LRRC49: variants seen among roughly 807,000 people sequenced by gnomAD.
LRRC49 encodes leucine-rich repeat-containing protein 49.
Under a neutral mutation model 83.3 loss-of-function variants are expected in LRRC49, and 50 were observed. The ratio of observed to expected loss-of-function variants is 0.60; its 90% CI spans 0.48 to 0.76. The LOEUF (loss-of-function observed/expected upper bound fraction) is 0.76. Ranked by LOEUF, LRRC49 falls within the 30% of genes least tolerant of loss-of-function variation. The probability of loss-of-function intolerance (pLI) is 0.00; values close to 1 mark genes in which losing one functional copy is unlikely to be tolerated. For synonymous variants in LRRC49, 286 were observed against 283.3 expected, an observed-to-expected ratio of 1.01 and a Z score of -0.10; for missense variants, 704 against 809.1, an observed-to-expected ratio of 0.87 and a Z score of 1.58.
At chr15:71,008,011 T>A (rs1275932403) in intron 11 of LRRC49, among the ~76,000 whole-genome samples, 1 of 151,766 alleles carries the variant, frequency 6.6e-6, no homozygotes, top group African/African-American at 2.4e-5. Context: ...TAAACTGTAC[T>A]TTTTTCTAGT....
intron 2 of LRRC49, among the ~76,000 whole-genome samples, chr15:70,878,833 T>C (rs1185957375): frequency 6.6e-6 from 1 of 152,254 alleles, no homozygotes; most frequent in Non-Finnish European, 1.5e-5. Flanking sequence ...ATTTGTATAA[T>C]GTATTGCAGG....
At chr15:70,955,089 G>C (rs1372941075) in intron 8 of LRRC49, among the ~76,000 whole-genome samples, 3 of 152,110 alleles carry the variant, frequency 2.0e-5, no homozygotes, top group Admixed American at 2.0e-4. Context: ...TGGGTGGGTT[G>C]CTCTGGCTGG....
At chr15:70,989,121 T>C (rs562250492) in intron 11 of LRRC49, among the ~76,000 whole-genome samples, 25 of 152,238 alleles carry the variant, frequency 1.6e-4, no homozygotes, top group African/African-American at 4.8e-4. Flanking sequence ...TGTCTTGGAG[T>C]TGCTCTTCTC....
At chr15:70,936,506 C>G (rs892850829) in intron 7 of LRRC49, 1 of 367,340 alleles carries the variant, frequency 2.7e-6, no homozygotes, top group African/African-American at 2.1e-5. Flanking sequence ...CTTAAAGAGG[C>G]TAGCGGCAGC....
chr15:70,995,001 A>G (rs2038028053), intron 11 of LRRC49, among the ~76,000 whole-genome samples: 1 of 152,230 alleles, frequency 6.6e-6, no homozygotes, highest in Non-Finnish European at 1.5e-5. Context: ...GAGACCATGA[A>G]ATTATAGCAA....
At chr15:71,004,965 A>G (rs1275155420) in intron 11 of LRRC49, among the ~76,000 whole-genome samples, 5 of 152,300 alleles carry the variant, frequency 3.3e-5, no homozygotes, top group South Asian at 2.1e-4. Context: ...TGATGAAGTA[A>G]TCTGTAAAAT....
intron 5 of LRRC49, among the ~76,000 whole-genome samples, chr15:70,909,449 A>T (rs2034455124): frequency 6.6e-6 from 1 of 152,212 alleles, no homozygotes; most frequent in Admixed American, 6.5e-5. Context: ...ATTAGAAAGC[A>T]TGGCTCTGTC....
chr15:70,998,177 T>G (rs552832379), intron 11 of LRRC49, among the ~76,000 whole-genome samples: 1 of 152,292 alleles, frequency 6.6e-6, no homozygotes, highest in East Asian at 1.9e-4. Flanking sequence ...ATTAATTTTA[T>G]ACATTTTTCT....
chr15:70,986,318 G>T (rs2037616157), intron 11 of LRRC49, among the ~76,000 whole-genome samples: 1 of 151,878 alleles, frequency 6.6e-6, no homozygotes, highest in African/African-American at 2.4e-5. Flanking sequence ...ATTGAGCAGT[G>T]GTTTGTAGTT....
upstream of LRRC49, among the ~76,000 whole-genome samples, chr15:70,887,933 A>G (rs1005214552): frequency 1.3e-5 from 2 of 152,204 alleles, no homozygotes; most frequent in African/African-American, 2.4e-5. Context: ...TATAAAATTT[A>G]AAATACCATT....
chr15:70,866,495 C>T (rs2141454), intron 1 of LRRC49, among the ~76,000 whole-genome samples: 83,075 of 151,948 alleles, frequency 0.55, 23,476 homozygotes, highest in Admixed American at 0.69. Flanking sequence ...AATTTCCATA[C>T]CCCTGTTCAC....
chr15:70,993,226 T>C (rs952919306), intron 11 of LRRC49, among the ~76,000 whole-genome samples: 8 of 152,216 alleles, frequency 5.3e-5, no homozygotes, highest in African/African-American at 1.7e-4. Context: ...TTAAGACCGT[T>C]GGAAAAGTGC....
chr15:71,001,288 A>G (rs2141251446), intron 11 of LRRC49, among the ~76,000 whole-genome samples: 1 of 152,192 alleles, frequency 6.6e-6, no homozygotes, highest in South Asian at 2.1e-4. Flanking sequence ...TTCTCATTGA[A>G]CTGCAATGCC....
intron 9 of LRRC49, among the ~76,000 whole-genome samples, chr15:70,964,927 A>G (rs1164524336): frequency 6.6e-6 from 1 of 152,140 alleles, no homozygotes; most frequent in Non-Finnish European, 1.5e-5. Context: ...TGCGTTGGCA[A>G]TACTGTGGAC....
chr15:71,047,543 GT>G (rs2039888105), intron 15 of LRRC49, among the ~76,000 whole-genome samples: 1 of 152,094 alleles, frequency 6.6e-6, no homozygotes, highest in South Asian at 2.1e-4. Context: ...ATATCCTGAA[GT>G]TTTACTAAAA....
At chr15:70,863,871 A>G (rs1009970613) in intron 1 of LRRC49, among the ~76,000 whole-genome samples, 1 of 152,204 alleles carries the variant, frequency 6.6e-6, no homozygotes, top group Non-Finnish European at 1.5e-5. Context: ...GGATCCCACT[A>G]TCTGAGGGTG....
At chr15:70,915,288 A>G (rs1596015053) in intron 6 of LRRC49, among the ~76,000 whole-genome samples, 1 of 152,180 alleles carries the variant, frequency 6.6e-6, no homozygotes, top group East Asian at 1.9e-4. Flanking sequence ...TTCTTTTCAG[A>G]CTTTTCTAAC....
chr15:71,048,861 T>C (rs1378270084), intron 15 of LRRC49: 1 of 456,036 alleles, frequency 2.2e-6, no homozygotes, highest in South Asian at 1.5e-5. Flanking sequence ...TCTATATGTT[T>C]ACTCTTCCTA....
rs1365554814 is a variant in LRRC49, at chr15:71,037,214, GA to G, written c.1746del (p.Lys582AsnfsTer16). 1.2e-6 allele frequency: 2 copies of G among 1,609,636 alleles called. No individual in the cohort carries two copies. Among genetic ancestry groups the G allele is most frequent in the Non-Finnish European group, 1.7e-6 (2 of 1,178,066 alleles). On this transcript the variant is annotated frameshift_variant, in exon 15 of 16. Coordinates refer to ENST00000260382, the MANE Select transcript of LRRC49 (RefSeq NM_017691.5). LOFTEE classifies it high-confidence loss of function. Reference protein sequence around the residue: ...KQFRYLLESKGKKPGIINEEN... With the variant: ...KQFRYLLESKXKKPGIINEEN... ...TTTCGGTATCTACTAGAATCCAAAG[GA>G]AAAAAACCTGGTATTATCAACGAAG... is the stretch of plus-strand genomic sequence containing the variant.
Sources: gnomAD v4.1 joint callset for allele counts (sites outside exome capture counted in the v4.1 genomes callset) on GRCh38, gnomAD v4.1.1 for gene constraint, MANE v1.5 for transcripts, NCBI Gene and HGNC (gene_info 2026-07-23, HGNC 2026-07-21) for gene names.